The following PLB1 variants were observed in gnomAD, a reference collection of about 807,000 sequenced individuals.
PLB1 encodes the protein phospholipase B1.
Under a neutral mutation model 227.4 loss-of-function variants are expected in PLB1, and 242 were observed. That is an observed-to-expected ratio of 1.06 (90% CI 0.96 to 1.18). The LOEUF is 1.18. Ranked by LOEUF, PLB1 falls within the 50% of genes most tolerant of loss-of-function variation. PLB1 has a pLI of 0.00. For missense variants in PLB1, 1,858 were observed against 1,816.3 expected (o/e 1.02, Z -0.42); for synonymous variants, 757 against 682.2 (o/e 1.11, Z -1.71).
intron 35 of PLB1, among the ~76,000 whole-genome samples, chr2:28,600,471 T>C (rs1287502579): frequency 6.6e-6 from 1 of 152,146 alleles, no homozygotes; most frequent in Admixed American, 6.5e-5. Context: ...AATTTTAGGA[T>C]CTAAACTAGT....
chr2:28,637,246 T>C (rs1158120025), intron 56 of PLB1, among the ~76,000 whole-genome samples: 1 of 149,946 alleles, frequency 6.7e-6, no homozygotes, highest in Non-Finnish European at 1.5e-5. Flanking sequence ...TGAGCCAAGA[T>C]TGCATCATTG....
In PLB1 at chr2:28,629,135, G is replaced by A. The variant is rs755440524; in HGVS notation, c.3768G>A (p.Leu1256=). 6.2e-7 allele frequency: 1 copy of A among 1,613,878 alleles called. No homozygotes were observed. The highest frequency in any genetic ancestry group is 1.3e-5 in the African/African-American group (1 of 74,928). Residue 1256 remains leucine (L), a synonymous_variant, in exon 53 of 58, where the codon CTG becomes CTA. Transcript: ENST00000327757. ...AFVNVVEVME[L]ASLYQGQGGK... Reference sequence around the variant, plus strand: ...TCAACGTGGTGGAGGTCATGGAGCTGGCTAGCCTGTACCAGGGCCAAGGCG... The same window carrying A: ...TCAACGTGGTGGAGGTCATGGAGCTAGCTAGCCTGTACCAGGGCCAAGGCG...
chr2:28,630,141 G>T (rs1019427288), intron 53 of PLB1, among the ~76,000 whole-genome samples: 2 of 152,186 alleles, frequency 1.3e-5, no homozygotes, highest in Non-Finnish European at 2.9e-5. Context: ...CTAAGCAGTT[G>T]CAGGAAGAGC....
chr2:28,516,213 AG>A (rs1668832847), intron 1 of PLB1, among the ~76,000 whole-genome samples: 1 of 152,226 alleles, frequency 6.6e-6, no homozygotes, highest in South Asian at 2.1e-4. Flanking sequence ...ATGTTTTTAA[AG>A]ACTGACCAAA....
Position 28,626,454 on chromosome 2 carries a change from G to A in PLB1, c.3606G>A (p.Lys1202=), listed in dbSNP as rs748767287. 95 of 1,614,044 alleles carry A rather than the reference G, an allele frequency of 5.9e-5. No individual in the cohort carries two copies. The Middle Eastern group carries it at 6.6e-4, about 11-fold the overall frequency. The change falls in exon 51 of 58, where the codon AAG becomes AAA. Residue 1202 remains lysine (K), a synonymous_variant. Transcript: ENST00000327757. The part of the protein sequence containing the change: ...SPDINLEKDW[K]LVTLFIGVND... ...ACATCAACCTGGAGAAAGACTGGAA[G>A]CTGGTCACACTCTTCATTGGGGTCA...
intron 51 of PLB1, among the ~76,000 whole-genome samples, chr2:28,627,556 G>A (rs943245050): frequency 2.6e-5 from 4 of 152,162 alleles, no homozygotes; most frequent in East Asian, 1.9e-4. Context: ...TGGGAGACAC[G>A]AGGTCCCCTC....
In PLB1 at chr2:28,600,869, G is replaced by T. The variant is rs771001785; in HGVS notation, c.2526+9G>T. 2.6e-5 allele frequency: 42 copies of T among 1,605,396 alleles called. No individual in the cohort carries two copies. In the South Asian group the frequency reaches 4.4e-4, roughly 17 times the overall value. On this transcript the variant is annotated intron_variant, in intron 36 of 57. Transcript: ENST00000327757. ...AGATGAAAGATGATCATGTGAGTCA[G>T]ATTTACTGTTATTTCTAAACATTAA... is the stretch of plus-strand genomic sequence containing the variant.
chr2:28,615,815 T>G (rs919497452), intron 44 of PLB1, among the ~76,000 whole-genome samples: 3 of 152,264 alleles, frequency 2.0e-5, no homozygotes, highest in Non-Finnish European at 4.4e-5. Flanking sequence ...CATGCATCTT[T>G]GCTTTTGCTG....
Position 28,605,942 on chromosome 2 carries a change from C to T in PLB1, c.3051C>T (p.Thr1017=). The change falls in exon 42 of 58, where the codon ACC becomes ACT. Residue 1017 remains threonine, a synonymous_variant. Transcript: ENST00000327757. ...CCCAGCTGGCCAGAGCCCTTTGGAC[C>T]AATATGGTAAAATAAGTGGGGTGTT... ...FHSQLARALW[T]NMLEPLGSKT... The T allele has an allele frequency of 6.2e-7, 1 of 1,606,200 alleles. No homozygotes were observed. Among genetic ancestry groups the T allele is most frequent in the Non-Finnish European group, 8.5e-7 (1 of 1,172,844 alleles).
At chr2:28,521,772 G>T (rs72788707) in intron 4 of PLB1, among the ~76,000 whole-genome samples, 1 of 150,844 alleles carries the variant, frequency 6.6e-6, no homozygotes, top group African/African-American at 2.5e-5. Context: ...TGCTGCCCCC[G>T]ATCTCAGCAG....
At chr2:28,523,661 A>C (rs540119240) in intron 4 of PLB1, among the ~76,000 whole-genome samples, 1 of 151,146 alleles carries the variant, frequency 6.6e-6, no homozygotes, top group Admixed American at 6.6e-5. Flanking sequence ...TCCTCCCAAC[A>C]TCTCTCTTTA....
At chr2:28,571,140 C>T (rs2204672) in intron 20 of PLB1, among the ~76,000 whole-genome samples, 88,157 of 151,978 alleles carry the variant, frequency 0.58, 29,175 homozygotes, top group Non-Finnish European at 0.76. Context: ...TTGCAAGGTA[C>T]AAATCAATAT....
intron 49 of PLB1, among the ~76,000 whole-genome samples, chr2:28,621,973 C>T (rs1346077768): frequency 6.6e-6 from 1 of 152,198 alleles, no homozygotes; most frequent in Non-Finnish European, 1.5e-5. Context: ...CTTCACTTCT[C>T]TTATTGCCTT....
At chr2:28,602,795 CCT>C (rs1199018636) in intron 38 of PLB1, 24 bp from the exon 39 acceptor site, 1 of 1,601,372 alleles carries the variant, frequency 6.2e-7, no homozygotes, top group Admixed American at 1.7e-5. Context: ...CTGGAGCCCC[CCT>C]CTCATCTGCA....
At chr2:28,602,519 G>A (rs1038763215) in intron 38 of PLB1, among the ~76,000 whole-genome samples, 2 of 152,240 alleles carry the variant, frequency 1.3e-5, no homozygotes, top group Non-Finnish European at 2.9e-5. Flanking sequence ...CTATCTCACC[G>A]AAGGTAATTC....
chr2:28,606,344 C>T, intron 42 of PLB1, 152 bp from the exon 43 acceptor site: 1 of 725,054 alleles, frequency 1.4e-6, no homozygotes, highest in South Asian at 1.8e-5. Context: ...GGCCCAAAAC[C>T]CCACGGCTGG....
rs572013331 is a variant in PLB1, at chr2:28,531,263, A to G, written c.469-845A>G. On this transcript the variant is annotated intron_variant, in intron 8 of 57. Transcript: ENST00000327757. Reference sequence around the variant, plus strand: ...CATATATATCTTTATATATTTTATAAAACAGGGATGTTACTGGATAAAGAT... The same window carrying G: ...CATATATATCTTTATATATTTTATAGAACAGGGATGTTACTGGATAAAGAT... 3.5e-4 allele frequency among the ~76,000 whole-genome samples: 53 copies of G among 152,296 alleles called. 1 individual carries two copies. Among genetic ancestry groups the G allele is most frequent in the Admixed American group, 3.1e-3 (47 of 15,290 alleles).
intron 54 of PLB1, among the ~76,000 whole-genome samples, chr2:28,631,313 C>T (rs59005258): frequency 0.016 from 2,363 of 152,188 alleles, 61 homozygotes; most frequent in African/African-American, 0.054. Context: ...GTAGCATTTC[C>T]ATTCTGCAAA....
chr2:28,589,408 CAG>C, intron 26 of PLB1, 40 bp from the exon 27 acceptor site: 1 of 1,455,408 alleles, frequency 6.9e-7, no homozygotes, highest in African/African-American at 1.4e-5. Context: ...CGAGCAGATG[CAG>C]AGAGGACTGC....
Sources: gnomAD v4.1 joint callset for allele counts (sites outside exome capture counted in the v4.1 genomes callset) on GRCh38, gnomAD v4.1.1 for gene constraint, MANE v1.5 for transcripts, NCBI Gene and HGNC (gene_info 2026-07-23, HGNC 2026-07-21) for gene names.